The following CRIM1 variants were observed in gnomAD, a reference collection of about 807,000 sequenced individuals.
CRIM1 encodes cysteine-rich motor neuron 1 protein.
In CRIM1, 32 loss-of-function variants were observed where a neutral mutation model predicts 116.4. The ratio of observed to expected loss-of-function variants is 0.27; its 90% CI spans 0.21 to 0.37. The LOEUF (loss-of-function observed/expected upper bound fraction) is 0.37. CRIM1 is among the 10% of genes least tolerant of loss of function. CRIM1 has a pLI of 1.00. For missense variants in CRIM1, 1,331 were observed against 1,354.8 expected, an observed-to-expected ratio of 0.98 and a Z score of 0.28; for synonymous variants, 590 against 509.2, an observed-to-expected ratio of 1.16 and a Z score of -2.13.
At chr2:36,361,998 C>G (rs1669253200) in intron 1 of CRIM1, among the ~76,000 whole-genome samples, 2 of 152,108 alleles carry the variant, frequency 1.3e-5, no homozygotes, top group Non-Finnish European at 2.9e-5. Flanking sequence ...GGAAATCAGT[C>G]ATTCATTCAT....
At chr2:36,379,308 T>C (rs1670553101) in intron 1 of CRIM1, 1 of 152,214 alleles carries the variant, frequency 6.6e-6, no homozygotes, top group Admixed American at 6.5e-5. Context: ...ACTAGAAGAA[T>C]GTACAAATGC....
rs570793505 is a variant in CRIM1 at position 36,448,501 on chromosome 2, C to G, written c.869+5766C>G. Among the ~76,000 whole-genome samples, 6 of 152,326 alleles carry G rather than the reference C, an allele frequency of 3.9e-5. No individual in the cohort carries two copies. In the South Asian group the frequency reaches 1.2e-3, roughly 32 times the overall value. ...TTCACTTTGCCTCCGTAATTTTTCA[C>G]CAGTGTTTCAGATACAGGCTTACAC... On this transcript the variant is annotated intron_variant, in intron 4 of 16. Transcript: ENST00000280527.
At chr2:36,368,186 G>A (rs1423082922) in intron 1 of CRIM1, among the ~76,000 whole-genome samples, 1 of 152,220 alleles carries the variant, frequency 6.6e-6, no homozygotes, top group African/African-American at 2.4e-5. Context: ...TGCATGAAAG[G>A]GGGTGTGGGG....
chr2:36,543,318 TCA>T (rs1218839640), intron 14 of CRIM1, among the ~76,000 whole-genome samples: 3 of 152,202 alleles, frequency 2.0e-5, no homozygotes, highest in Non-Finnish European at 4.4e-5. Context: ...TCCTCTTCTC[TCA>T]AAGTCATCTT....
chr2:36,467,906 C>T (rs1183130940), intron 5 of CRIM1, among the ~76,000 whole-genome samples: 4 of 152,162 alleles, frequency 2.6e-5, no homozygotes, highest in Admixed American at 2.6e-4. Context: ...GATTTCATCC[C>T]ACTGAATGAT....
chr2:36,398,576 A>T lies in CRIM1; in HGVS notation c.505+1789A>T, dbSNP rs141630897. ...CATTTCCAATTTTGAGATCATTCCC[A>T]CAGGAATAATTACCGTATCTGATTG... On this transcript the variant is annotated intron_variant, in intron 2 of 16. Transcript: ENST00000280527. Among the ~76,000 whole-genome samples the T allele has an allele frequency of 2.6e-5, 4 of 152,330 alleles. No homozygotes were observed. In the East Asian group the frequency reaches 7.7e-4, roughly 29 times the overall value.
At chr2:36,506,181 TCACACACACACA>T (rs3076519) in intron 8 of CRIM1, among the ~76,000 whole-genome samples, 74 of 120,942 alleles carry the variant, frequency 6.1e-4, no homozygotes, top group East Asian at 2.9e-3. Context: ...TCTCTCTCTC[TCACACACACACA>T]CACACACACA....
In CRIM1 at chr2:36,544,531, T is replaced by G. The variant is rs545897308; in HGVS notation, c.2746+33T>G. ...TTGAAGGCAGCTGAGATCTGCTAGT[T>G]TTCTATGTGGTCTACTTAGGTGTTT... On this transcript the variant is annotated intron_variant, in intron 15 of 16. Transcript: ENST00000280527. The G allele has an allele frequency of 1.1e-5, 15 of 1,318,860 alleles. No individual in the cohort carries two copies. In the South Asian group the frequency reaches 4.2e-4, roughly 37 times the overall value. 81.7% of individuals were successfully genotyped at this position (1,318,860 alleles called of 1,614,324 possible). A position where few individuals can be genotyped will look rare whatever the true frequency, so the allele number is the denominator to read the frequency against.
intron 14 of CRIM1, among the ~76,000 whole-genome samples, chr2:36,538,656 A>G (rs915811269): frequency 2.6e-5 from 4 of 152,186 alleles, no homozygotes; most frequent in Non-Finnish European, 5.9e-5. Context: ...ATTTCTAAAA[A>G]TGTCCATTTA....
At chr2:36,403,266 GAT>G (rs1319791186) in intron 2 of CRIM1, among the ~76,000 whole-genome samples, 1 of 152,184 alleles carries the variant, frequency 6.6e-6, no homozygotes, top group African/African-American at 2.4e-5. Context: ...TAGGGCTTTA[GAT>G]AATTCTCCTC....
intron 5 of CRIM1, among the ~76,000 whole-genome samples, chr2:36,467,881 A>C (rs1395143809): frequency 1.3e-5 from 2 of 152,248 alleles, no homozygotes; most frequent in African/African-American, 4.8e-5. Flanking sequence ...GAGATTTTTC[A>C]TATGGAAAGG....
At chr2:36,495,858 T>G (rs2125078090) in intron 7 of CRIM1, among the ~76,000 whole-genome samples, 1 of 152,292 alleles carries the variant, frequency 6.6e-6, no homozygotes, top group South Asian at 2.1e-4. Flanking sequence ...GAGATTTTTT[T>G]CTAGATAATT....
intron 1 of CRIM1, among the ~76,000 whole-genome samples, chr2:36,393,587 A>T (rs1671788307): frequency 1.3e-5 from 2 of 152,140 alleles, no homozygotes; most frequent in Admixed American, 6.5e-5. Context: ...CCACTATGGT[A>T]GGGGACAACA....
intron 5 of CRIM1, among the ~76,000 whole-genome samples, chr2:36,475,508 A>G (rs1316081506): frequency 2.6e-5 from 4 of 152,220 alleles, no homozygotes; most frequent in African/African-American, 9.6e-5. Context: ...TACATACAAG[A>G]TCATGTCATC....
intron 7 of CRIM1, 132 bp from the exon 8 acceptor site, chr2:36,499,087 A>T: frequency 1.4e-6 from 1 of 692,434 alleles, no homozygotes. Flanking sequence ...ACTGGAGCAT[A>T]AAAGTTTACG....
rs74772781 is a variant in CRIM1, at chr2:36,532,311, A to T, written c.2429-5041A>T. Among the ~76,000 whole-genome samples, 442 of 152,266 alleles carry T rather than the reference A, an allele frequency of 2.9e-3. 6 individuals are homozygous for T. Among genetic ancestry groups the T allele is most frequent in the African/African-American group, 0.01 (421 of 41,556 alleles). ...CCTGATTGGTTTGTTTTAAAAATAA[A>T]CGTTATTATGTTAGTGTCATACCTC... On this transcript the variant is annotated intron_variant, in intron 13 of 16. Coordinates refer to ENST00000280527, the MANE Select transcript of CRIM1 (RefSeq NM_016441.3).
rs181022948 is a variant in CRIM1, at chr2:36,379,504, G to A, written c.332-17110G>A. Among the ~76,000 whole-genome samples, 7 of 152,228 alleles carry A rather than the reference G, an allele frequency of 4.6e-5. No homozygotes were observed. In the East Asian group the frequency reaches 7.7e-4, roughly 17 times the overall value. Reference sequence around the variant, plus strand: ...TTTATTTCAGCCCTGACAACAGTGCGGCCTTCCCAAAGTATGAGAAGAGCA... The same window carrying A: ...TTTATTTCAGCCCTGACAACAGTGCAGCCTTCCCAAAGTATGAGAAGAGCA... On this transcript the variant is annotated intron_variant, in intron 1 of 16. Coordinates refer to ENST00000280527, the MANE Select transcript of CRIM1 (RefSeq NM_016441.3).
At position 36,356,711 on chromosome 2, in the gene CRIM1, T is replaced by C; in HGVS notation, c.331+88T>C. 7.5e-7 allele frequency: 1 copy of C among 1,337,188 alleles called. No homozygotes were observed. Among genetic ancestry groups the C allele is most frequent in the Non-Finnish European group, 1.0e-6 (1 of 986,502 alleles). The allele number at this position is 1,337,188 out of a possible 1,614,324, so 82.8% of individuals were successfully genotyped here. A position where few individuals can be genotyped will look rare whatever the true frequency, so the allele number is the denominator to read the frequency against. ...TGCCGAACAAAGTTTGGGCGAGACT[T>C]TCTGGAGGAAAGAGGGCTCTGCGGG... is the stretch of plus-strand genomic sequence containing the variant. On this transcript the variant is annotated intron_variant, in intron 1 of 16. Coordinates refer to ENST00000280527, the MANE Select transcript of CRIM1 (RefSeq NM_016441.3). The surrounding 1 kb of genome is among the most constrained non-coding windows in gnomAD (Gnocchi z 4.3).
intron 2 of CRIM1, among the ~76,000 whole-genome samples, chr2:36,436,186 A>G (rs1675299361): frequency 6.6e-6 from 1 of 152,168 alleles, no homozygotes; most frequent in East Asian, 1.9e-4. Flanking sequence ...GGGAGAATTT[A>G]TAGAAAAGGC....
Sources: allele counts gnomAD v4.1 joint callset (sites outside exome capture counted in the v4.1 genomes callset), GRCh38; gene constraint gnomAD v4.1.1; non-coding constraint Gnocchi (gnomAD v3.1); transcripts MANE v1.5; gene names NCBI Gene and HGNC (gene_info 2026-07-23, HGNC 2026-07-21).